Variants in FBXL7 observed in about 807,000 individuals in gnomAD.
FBXL7 encodes F-box/LRR-repeat protein 7.
FBXL7 carries 12 observed loss-of-function variants against 38.3 expected under a neutral mutation model. The ratio of observed to expected loss-of-function variants is 0.31; its 90% CI spans 0.20 to 0.51. FBXL7 has a LOEUF of 0.51. FBXL7 is among the 20% of genes least tolerant of loss of function. The pLI is 0.98. For missense variants in FBXL7, 567 were observed against 676.4 expected (o/e 0.84, Z 1.79); for synonymous variants, 297 against 300.9 (o/e 0.99, Z 0.13).
intron 2 of FBXL7, among the ~76,000 whole-genome samples, chr5:15,744,783 A>G (rs1390156677): frequency 2.6e-5 from 4 of 152,040 alleles, no homozygotes; most frequent in Admixed American, 6.5e-5. Flanking sequence ...ATAGTTTTGC[A>G]TGGCTGGGGA....
intron 2 of FBXL7, among the ~76,000 whole-genome samples, chr5:15,763,202 C>T (rs1312183938): frequency 6.6e-6 from 1 of 152,280 alleles, no homozygotes; most frequent in African/African-American, 2.4e-5. Context: ...CACTTGCCAC[C>T]TGTGGATACT....
chr5:15,760,495 T>G (rs1736413172), intron 2 of FBXL7, among the ~76,000 whole-genome samples: 2 of 152,028 alleles, frequency 1.3e-5, no homozygotes, highest in Non-Finnish European at 1.5e-5. Context: ...ATGCTTCAGC[T>G]GTATACCTGC....
intron 1 of FBXL7, among the ~76,000 whole-genome samples, chr5:15,614,981 C>T (rs552403826): frequency 1.2e-4 from 19 of 152,270 alleles, no homozygotes; most frequent in South Asian, 8.3e-4. Context: ...CTTACCTTCA[C>T]GATAGCCTGT....
At chr5:15,879,787 G>C (rs1176483942) in intron 2 of FBXL7, among the ~76,000 whole-genome samples, 1 of 152,132 alleles carries the variant, frequency 6.6e-6, no homozygotes, top group East Asian at 1.9e-4. Context: ...GTGAGTACAT[G>C]AGATGATAAT....
At chr5:15,847,126 A>G (rs1261205442) in intron 2 of FBXL7, among the ~76,000 whole-genome samples, 4 of 152,146 alleles carry the variant, frequency 2.6e-5, no homozygotes, top group Non-Finnish European at 4.4e-5. Context: ...GGTAGGCAGA[A>G]TTCCCAGATG....
At chr5:15,784,950 G>A (rs1737095670) in intron 2 of FBXL7, among the ~76,000 whole-genome samples, 1 of 152,136 alleles carries the variant, frequency 6.6e-6, no homozygotes, top group Non-Finnish European at 1.5e-5. Flanking sequence ...GTGTTCATAT[G>A]TCACTGCCAT....
chr5:15,787,254 G>A (rs984932409), intron 2 of FBXL7, among the ~76,000 whole-genome samples: 4 of 152,130 alleles, frequency 2.6e-5, no homozygotes, highest in Admixed American at 6.5e-5. Context: ...AAAATCAGTC[G>A]GCATTGAAGA....
At chr5:15,548,486 G>A (rs2126418318) in intron 1 of FBXL7, among the ~76,000 whole-genome samples, 1 of 152,288 alleles carries the variant, frequency 6.6e-6, no homozygotes, top group African/African-American at 2.4e-5. Flanking sequence ...CTGTACCTAG[G>A]TATTTAACCA....
intron 2 of FBXL7, among the ~76,000 whole-genome samples, chr5:15,668,488 A>G (rs1742358429): frequency 6.6e-6 from 1 of 151,920 alleles, no homozygotes; most frequent in Non-Finnish European, 1.5e-5. Flanking sequence ...AATTGTGTCC[A>G]GTGTTAATAA....
At chr5:15,591,834 C>A (rs1006546719) in intron 1 of FBXL7, among the ~76,000 whole-genome samples, 4 of 152,144 alleles carry the variant, frequency 2.6e-5, no homozygotes, top group African/African-American at 9.7e-5. Flanking sequence ...CCTCAGCCTC[C>A]TGAGTAGCTA....
chr5:15,888,264 G>A (rs1034040116), intron 2 of FBXL7, among the ~76,000 whole-genome samples: 1 of 151,530 alleles, frequency 6.6e-6, no homozygotes, highest in Non-Finnish European at 1.5e-5. Context: ...GTTTCGCTCT[G>A]TCACCTAGGC....
At chr5:15,674,426 G>T (rs1428615322) in intron 2 of FBXL7, among the ~76,000 whole-genome samples, 1 of 152,172 alleles carries the variant, frequency 6.6e-6, no homozygotes. Context: ...GGCACTGATA[G>T]CAATGACCAT....
chr5:15,763,202 C>G (rs1312183938), intron 2 of FBXL7, among the ~76,000 whole-genome samples: 1 of 152,162 alleles, frequency 6.6e-6, no homozygotes, highest in Non-Finnish European at 1.5e-5. Flanking sequence ...CACTTGCCAC[C>G]TGTGGATACT....
chr5:15,913,078 C>G (rs1035635778), intron 2 of FBXL7, among the ~76,000 whole-genome samples: 2 of 152,026 alleles, frequency 1.3e-5, no homozygotes, highest in South Asian at 4.1e-4. Flanking sequence ...ATCCTTGGGT[C>G]ACTGGTTTTT....
intron 2 of FBXL7, among the ~76,000 whole-genome samples, chr5:15,703,571 T>C (rs1383943035): frequency 2.0e-5 from 3 of 152,220 alleles, no homozygotes; most frequent in Middle Eastern, 3.2e-3. Flanking sequence ...AAAATTAATT[T>C]AGCAAAGCAC....
At chr5:15,767,657 C>A (rs1234806192) in intron 2 of FBXL7, among the ~76,000 whole-genome samples, 1 of 152,134 alleles carries the variant, frequency 6.6e-6, no homozygotes, top group Non-Finnish European at 1.5e-5. Flanking sequence ...TGGAGAACTT[C>A]TGTTTTTATT....
chr5:15,516,482 T>G lies in FBXL7; in HGVS notation c.37+15769T>G, dbSNP rs936626349. On this transcript the variant is annotated intron_variant, in intron 1 of 3. Transcript: ENST00000504595. ...TTATTTGTATGGGATTTTTATGTCT[T>G]ACTTTGCATATAGTTACTTGCATGT... 2.6e-5 allele frequency among the ~76,000 whole-genome samples: 4 copies of G among 152,222 alleles called. No individual in the cohort carries two copies. In the South Asian group the frequency reaches 6.2e-4, roughly 24 times the overall value.
At chr5:15,849,199 T>C (rs1739018168) in intron 2 of FBXL7, among the ~76,000 whole-genome samples, 1 of 122,554 alleles carries the variant, frequency 8.2e-6, no homozygotes, top group East Asian at 2.6e-4. Context: ...TAAAGCCAAC[T>C]GTGCAGTGAA....
intron 1 of FBXL7, among the ~76,000 whole-genome samples, chr5:15,513,436 A>G (rs1736855266): frequency 6.6e-6 from 1 of 152,232 alleles, no homozygotes; most frequent in Admixed American, 6.5e-5. Flanking sequence ...ATAGCCCAAG[A>G]TGTGAGCTTT....
Sources: gnomAD v4.1 joint callset for allele counts (sites outside exome capture counted in the v4.1 genomes callset) on GRCh38, gnomAD v4.1.1 for gene constraint, MANE v1.5 for transcripts, NCBI Gene and HGNC (gene_info 2026-07-23, HGNC 2026-07-21) for gene names.